The following CPSF3 variants were observed in gnomAD, a reference collection of about 807,000 sequenced individuals.
CPSF3 encodes cleavage and polyadenylation specificity factor subunit 3.
Under a neutral mutation model 84.1 loss-of-function variants are expected in CPSF3, and 57 were observed. The observed-to-expected ratio is 0.68, with a 90% CI of 0.55 to 0.85. The LOEUF is 0.85. Among genes scored for constraint, CPSF3 ranks in the 40% least tolerant of loss-of-function variants. The pLI is 0.00. For missense variants in CPSF3, 522 were observed against 838.8 expected (o/e 0.62, Z 4.66); for synonymous variants, 275 against 278.1 (o/e 0.99, Z 0.11).
chr2:9,435,604 G>A (rs543734809), intron 6 of CPSF3, among the ~76,000 whole-genome samples: 1 of 151,752 alleles, frequency 6.6e-6, no homozygotes, highest in African/African-American at 2.4e-5. Context: ...TGTATTTTTA[G>A]TAGAGACGGG....
At chr2:9,431,663 C>T (rs1282591138) in intron 4 of CPSF3, among the ~76,000 whole-genome samples, 1 of 151,246 alleles carries the variant, frequency 6.6e-6, no homozygotes, top group Admixed American at 6.6e-5. Context: ...CATGTCTCAG[C>T]CTCCCCAGTA....
At chr2:9,464,910 GGAGATGGGGTCTT>G (rs1474084068) in intron 15 of CPSF3, among the ~76,000 whole-genome samples, 2 of 151,702 alleles carry the variant, frequency 1.3e-5, no homozygotes, top group Non-Finnish European at 2.9e-5. Flanking sequence ...TTTTTTTAAT[GGAGATGGGGTCTT>G]GCTATGTTGC....
At chr2:9,452,262 G>A (rs1305113370) in intron 11 of CPSF3, among the ~76,000 whole-genome samples, 1 of 150,568 alleles carries the variant, frequency 6.6e-6, no homozygotes, top group Non-Finnish European at 1.5e-5. Flanking sequence ...CCGGGAGGCA[G>A]AGGTTGCAGT....
At chr2:9,468,512 C>T (rs1682048573) in intron 16 of CPSF3, among the ~76,000 whole-genome samples, 1 of 152,012 alleles carries the variant, frequency 6.6e-6, no homozygotes, top group African/African-American at 2.4e-5. Context: ...GATGTGAGCC[C>T]TTGCCCCATG....
In CPSF3 at chr2:9,436,136, A is replaced by G. The variant is rs531765616; in HGVS notation, c.610-75A>G. On this transcript the variant is annotated intron_variant, in intron 6 of 17. Coordinates refer to ENST00000238112, the MANE Select transcript of CPSF3 (RefSeq NM_016207.4). ...GAAGTGAATTGCTTAGCCCCTCAGT[A>G]TTTCATTGATGTTTAACTTTTGAAT... 7.0e-6 allele frequency: 9 copies of G among 1,282,064 alleles called. No homozygotes were observed. The Admixed American group carries it at 1.6e-4, about 23-fold the overall frequency. 79.4% of individuals were successfully genotyped at this position (1,282,064 alleles called of 1,614,324 possible). A position where few individuals can be genotyped will look rare whatever the true frequency, so the allele number is the denominator to read the frequency against.
intron 1 of CPSF3, 140 bp from the exon 2 acceptor site, chr2:9,428,625 A>G (rs141317590): frequency 1.4e-4 from 87 of 616,278 alleles, no homozygotes; most frequent in Non-Finnish European, 8.8e-5. Flanking sequence ...GATTTTGTAG[A>G]ACTCTCTTAC....
Position 9,440,353 on chromosome 2 carries a change from A to C in CPSF3, c.761-138A>C, listed in dbSNP as rs950705179. 5.1e-5 allele frequency: 38 copies of C among 750,874 alleles called. No individual in the cohort carries two copies. In the African/African-American group the frequency reaches 5.7e-4, roughly 11 times the overall value. The allele number at this position is 750,874 out of a possible 1,614,324, so 46.5% of individuals were successfully genotyped here. A position where few individuals can be genotyped will look rare whatever the true frequency, so the allele number is the denominator to read the frequency against. ...AGTTACAACCAGGATAATTTTGCTT[A>C]AACTCTTTAAAATATAGTTGTGTGC... On this transcript the variant is annotated intron_variant, in intron 7 of 17. Coordinates refer to ENST00000238112, the MANE Select transcript of CPSF3 (RefSeq NM_016207.4).
intron 15 of CPSF3, among the ~76,000 whole-genome samples, chr2:9,466,099 G>C (rs1298059306): frequency 2.0e-5 from 3 of 152,142 alleles, no homozygotes; most frequent in Admixed American, 2.0e-4. Context: ...CCAGCACTTT[G>C]GGAGGCACAG....
intron 15 of CPSF3, among the ~76,000 whole-genome samples, chr2:9,464,646 C>T (rs543486247): frequency 1.3e-5 from 2 of 152,086 alleles, no homozygotes; most frequent in East Asian, 3.9e-4. Flanking sequence ...GACTTGAGTA[C>T]AGTGGTGCAA....
chr2:9,447,571 C>T (rs930922024), intron 10 of CPSF3, among the ~76,000 whole-genome samples: 6 of 151,854 alleles, frequency 4.0e-5, no homozygotes, highest in African/African-American at 1.2e-4. Context: ...GTCAAGAGTT[C>T]GAGACCAGCC....
At position 9,466,352 on chromosome 2, in the gene CPSF3, G is replaced by A. The variant is rs868183342; in HGVS notation, c.1787-1355G>A. Among the ~76,000 whole-genome samples, 809 of 129,142 alleles carry A rather than the reference G, an allele frequency of 6.3e-3. 42 individuals carry two copies. In the East Asian group the frequency reaches 0.1, roughly 16 times the overall value. 84.7% of individuals were successfully genotyped at this position (129,142 alleles called of 152,430 possible). A position where few individuals can be genotyped will look rare whatever the true frequency, so the allele number is the denominator to read the frequency against. On this transcript the variant is annotated intron_variant, in intron 15 of 17. Transcript: ENST00000238112. ...GACGCACGCACACACGCGCGCGCGC[G>A]CACACACACACGCACACACCCACGC...
chr2:9,441,438 G>C (rs193222818), intron 8 of CPSF3, among the ~76,000 whole-genome samples: 1 of 152,190 alleles, frequency 6.6e-6, no homozygotes, highest in South Asian at 2.1e-4. Flanking sequence ...AGCATGCAAA[G>C]CTATTGTGAG....
Position 9,453,023 on chromosome 2 carries a change from T to A in CPSF3, c.1504+2T>A, listed in dbSNP as rs1681391122. Reference sequence around the variant, plus strand: ...TACTTTCTCCTTGCGACCTGTCCAGTAAGTATACTATTAAATGTCAAATCC... The same window carrying A: ...TACTTTCTCCTTGCGACCTGTCCAGAAAGTATACTATTAAATGTCAAATCC... On this transcript the variant is annotated splice_donor_variant, in intron 12 of 17. Transcript: ENST00000238112. LOFTEE classifies it high-confidence loss of function. The A allele has an allele frequency of 6.5e-7, 1 of 1,542,408 alleles. No homozygotes were observed. The highest frequency in any genetic ancestry group is 1.4e-5 in the African/African-American group (1 of 72,398).
intron 1 of CPSF3, among the ~76,000 whole-genome samples, chr2:9,427,681 G>A (rs1261538900): frequency 6.6e-6 from 1 of 152,136 alleles, no homozygotes; most frequent in Non-Finnish European, 1.5e-5. Context: ...AGTTCCTTGA[G>A]GTCAGGGTCC....
At chr2:9,425,364 G>T (rs1188959390) in intron 1 of CPSF3, among the ~76,000 whole-genome samples, 1 of 152,180 alleles carries the variant, frequency 6.6e-6, no homozygotes, top group East Asian at 1.9e-4. Flanking sequence ...TGGATATTGT[G>T]GGAATTATGT....
chr2:9,459,465 A>G, intron 14 of CPSF3, 66 bp from the exon 15 acceptor site: 1 of 930,474 alleles, frequency 1.1e-6, no homozygotes, highest in Non-Finnish European at 1.8e-6. Context: ...GGTGGGTTGT[A>G]GTTGTAGCCT....
intron 7 of CPSF3, among the ~76,000 whole-genome samples, chr2:9,439,152 A>G (rs1391554841): frequency 2.0e-5 from 3 of 152,194 alleles, no homozygotes; most frequent in African/African-American, 7.2e-5. Flanking sequence ...TCCTCATATA[A>G]AATTATCATT....
In CPSF3 at chr2:9,433,910, C is replaced by T. The variant is rs1423397364; in HGVS notation, c.559C>T (p.His187Tyr). ...TGATTTCTCAAGACAAGAAGATAGG[C>T]ACTTAATGGCAGCTGAAATTCCTAA... ...TGDFSRQEDR[H>Y]LMAAEIPNIK... The change falls in exon 6 of 18, where the codon CAC (histidine) becomes TAC (tyrosine). Residue 187 changes from histidine (H) to tyrosine (Y), a missense_variant. This residue lies in a region of CPSF3 where 329 missense variants were observed against 607.2 expected (regional missense o/e 0.54). Coordinates refer to ENST00000238112, the MANE Select transcript of CPSF3 (RefSeq NM_016207.4). The T allele has an allele frequency of 1.9e-6, 3 of 1,610,318 alleles. No homozygotes were observed. In the Admixed American group the frequency reaches 5.0e-5, roughly 27 times the overall value.
rs185225943 is a variant in CPSF3, at chr2:9,442,022, C to T, written c.1095+46C>T. Reference sequence around the variant, plus strand: ...GTTGTGTTATTCCTATTCAGAATCACGGAGGTGGCACGGTCCTCACAGGTT... The same window carrying T: ...GTTGTGTTATTCCTATTCAGAATCATGGAGGTGGCACGGTCCTCACAGGTT... On this transcript the variant is annotated intron_variant, in intron 9 of 17. Coordinates refer to ENST00000238112, the MANE Select transcript of CPSF3 (RefSeq NM_016207.4). 421 of 1,586,930 alleles carry T rather than the reference C, an allele frequency of 2.7e-4. 1 individual carries two copies. The East Asian group carries it at 5.9e-3, about 22-fold the overall frequency.
Sources: allele counts gnomAD v4.1 joint callset (sites outside exome capture counted in the v4.1 genomes callset), GRCh38; gene constraint gnomAD v4.1.1; regional missense constraint gnomAD v4.1.1; transcripts MANE v1.5; gene names NCBI Gene and HGNC (gene_info 2026-07-23, HGNC 2026-07-21).